CNTN4: variants seen among roughly 807,000 people sequenced by gnomAD.
CNTN4 encodes contactin 4.
In CNTN4, 77 loss-of-function variants were observed where a neutral mutation model predicts 122.5. The ratio of observed to expected loss-of-function variants is 0.63; its 90% CI spans 0.52 to 0.76. The LOEUF (loss-of-function observed/expected upper bound fraction) is 0.76, where lower values mean the gene tolerates loss of function less well. CNTN4 is among the 30% of genes least tolerant of loss of function. The pLI, the probability that CNTN4 is intolerant of heterozygous loss-of-function variation, is 0.00. For synonymous variants in CNTN4, 512 were observed against 447.0 expected (o/e 1.15, Z -1.83); for missense variants, 1,256 against 1,259.1 (o/e 1.00, Z 0.04).
At chr3:2,177,656 T>TTGTTTGTG (rs1553593167) in intron 2 of CNTN4, among the ~76,000 whole-genome samples, 6 of 147,548 alleles carry the variant, frequency 4.1e-5, no homozygotes, top group East Asian at 2.0e-4. Context: ...GTGTGTGTGT[T>TTGTTTGTG]TGTGTGTGTG....
At chr3:2,142,486 C>T (rs1412753091) in intron 2 of CNTN4, among the ~76,000 whole-genome samples, 3 of 152,106 alleles carry the variant, frequency 2.0e-5, no homozygotes, top group Non-Finnish European at 4.4e-5. Flanking sequence ...GCCTCAGCCT[C>T]CCCAATAGCT....
intron 3 of CNTN4, among the ~76,000 whole-genome samples, chr3:2,521,842 T>C (rs1553678702): frequency 6.6e-6 from 1 of 152,074 alleles, no homozygotes; most frequent in Non-Finnish European, 1.5e-5. Flanking sequence ...TTTTCTACTA[T>C]CAGAGGGCTC....
intron 2 of CNTN4, among the ~76,000 whole-genome samples, chr3:2,139,879 C>T (rs183761722): frequency 9.6e-4 from 146 of 152,358 alleles, no homozygotes; most frequent in Non-Finnish European, 1.5e-3. Flanking sequence ...CAAAACCCAC[C>T]TGATACGGTT....
At chr3:2,124,899 TAATA>T (rs1413311344) in intron 2 of CNTN4, among the ~76,000 whole-genome samples, 1 of 152,226 alleles carries the variant, frequency 6.6e-6, no homozygotes, top group East Asian at 1.9e-4. Flanking sequence ...ACAATTAAGG[TAATA>T]AATATATCTA....
chr3:2,372,728 G>C (rs2045677415), intron 3 of CNTN4, among the ~76,000 whole-genome samples: 1 of 152,098 alleles, frequency 6.6e-6, no homozygotes, highest in South Asian at 2.1e-4. Flanking sequence ...AGAAGATGTG[G>C]GATCTAGTGG....
intron 3 of CNTN4, among the ~76,000 whole-genome samples, chr3:2,421,149 C>T (rs2047599336): frequency 1.3e-5 from 2 of 152,102 alleles, no homozygotes; most frequent in Admixed American, 1.3e-4. Flanking sequence ...AGCCCTCCCC[C>T]ATCACCTTAA....
chr3:2,526,568 C>G (rs1056634969), intron 3 of CNTN4, among the ~76,000 whole-genome samples: 1 of 152,026 alleles, frequency 6.6e-6, no homozygotes, highest in Non-Finnish European at 1.5e-5. Context: ...TTATTCCAGT[C>G]TAAGAAAAAA....
intron 6 of CNTN4, among the ~76,000 whole-genome samples, chr3:2,781,780 A>G (rs71311724): frequency 0.26 from 30,852 of 116,802 alleles, 4,795 homozygotes; most frequent in South Asian, 0.36. Context: ...GCTGGAGGGC[A>G]GTAGCGCGAT....
chr3:2,710,022 G>C (rs2087028144), intron 4 of CNTN4, among the ~76,000 whole-genome samples: 1 of 152,158 alleles, frequency 6.6e-6, no homozygotes, highest in Non-Finnish European at 1.5e-5. Flanking sequence ...GATGTCATTA[G>C]TTTTCCTCTT....
chr3:2,272,892 A>G (rs754827483), intron 2 of CNTN4, among the ~76,000 whole-genome samples: 8 of 151,964 alleles, frequency 5.3e-5, no homozygotes, highest in Admixed American at 1.3e-4. Flanking sequence ...GTAATATCGC[A>G]TGGTCAAATC....
chr3:3,023,824 A>C (rs553210557), intron 14 of CNTN4, among the ~76,000 whole-genome samples: 2 of 152,322 alleles, frequency 1.3e-5, no homozygotes, highest in South Asian at 4.1e-4. Context: ...GACTACACAT[A>C]GGAGTGTAAA....
intron 3 of CNTN4, among the ~76,000 whole-genome samples, chr3:2,427,821 T>C (rs2047900464): frequency 6.6e-6 from 1 of 151,974 alleles, no homozygotes; most frequent in Admixed American, 6.6e-5. Context: ...CTTTACCATA[T>C]GTAATGGCCT....
chr3:2,189,591 T>C (rs1164999209), intron 2 of CNTN4, among the ~76,000 whole-genome samples: 1 of 152,168 alleles, frequency 6.6e-6, no homozygotes, highest in Non-Finnish European at 1.5e-5. Context: ...CAAGGCCATA[T>C]TCTTCTCGCC....
At chr3:2,230,243 T>C (rs2039434397) in intron 2 of CNTN4, among the ~76,000 whole-genome samples, 4 of 152,116 alleles carry the variant, frequency 2.6e-5, no homozygotes, top group Admixed American at 2.0e-4. Context: ...CCAAATGTGA[T>C]TTGTTTAGAT....
At chr3:2,824,904 C>G (rs72995361) in intron 7 of CNTN4, among the ~76,000 whole-genome samples, 40,774 of 151,860 alleles carry the variant, frequency 0.27, 6,083 homozygotes, top group East Asian at 0.5. Flanking sequence ...CTCAAGTGAT[C>G]TGCCTACCTT....
intron 8 of CNTN4, among the ~76,000 whole-genome samples, chr3:2,877,091 G>A (rs1458980452): frequency 7.2e-5 from 11 of 152,254 alleles, no homozygotes; most frequent in African/African-American, 2.2e-4. Context: ...ACTGCCAACC[G>A]TGTCTTCCTC....
intron 13 of CNTN4, among the ~76,000 whole-genome samples, chr3:2,939,255 A>G (rs1009549570): frequency 6.6e-6 from 1 of 152,164 alleles, no homozygotes; most frequent in Non-Finnish European, 1.5e-5. Flanking sequence ...TTGGCTTTCT[A>G]TATAATTACA....
chr3:2,536,828 T>G (rs571972095), intron 3 of CNTN4, among the ~76,000 whole-genome samples: 1 of 152,254 alleles, frequency 6.6e-6, no homozygotes, highest in East Asian at 1.9e-4. Flanking sequence ...TGATATTGAG[T>G]AGATGTTGTA....
At chr3:2,693,977 C>T (rs763857781) in intron 4 of CNTN4, among the ~76,000 whole-genome samples, 13 of 152,180 alleles carry the variant, frequency 8.5e-5, no homozygotes, top group Non-Finnish European at 1.9e-4. Context: ...AGGTGCCTTT[C>T]ATCTTCCCAG....
Sources: gnomAD v4.1 joint callset for allele counts (sites outside exome capture counted in the v4.1 genomes callset) on GRCh38, gnomAD v4.1.1 for gene constraint, MANE v1.5 for transcripts, NCBI Gene and HGNC (gene_info 2026-07-23, HGNC 2026-07-21) for gene names.